The following NAALADL2 variants were observed in gnomAD, a reference collection of about 807,000 sequenced individuals.
NAALADL2 encodes the protein inactive N-acetylated-alpha-linked acidic dipeptidase-like protein 2.
Under a neutral mutation model 87.2 loss-of-function variants are expected in NAALADL2, and 76 were observed. The observed-to-expected ratio is 0.87, with a 90% CI of 0.72 to 1.05. The LOEUF is 1.05. Ranked by LOEUF, NAALADL2 falls within the 50% of genes least tolerant of loss-of-function variation. NAALADL2 has a pLI of 0.00. For synonymous variants in NAALADL2, 354 were observed against 331.0 expected (o/e 1.07, Z -0.75); for missense variants, 1,089 against 945.8 (o/e 1.15, Z -1.99).
At chr3:175,544,729 T>C (rs934481293) in intron 9 of NAALADL2, among the ~76,000 whole-genome samples, 5 of 152,122 alleles carry the variant, frequency 3.3e-5, no homozygotes, top group African/African-American at 7.2e-5. Flanking sequence ...CCTTTTCTCC[T>C]TTTTATACCG....
At chr3:175,323,461 AC>A (rs1760209996) in intron 4 of NAALADL2, among the ~76,000 whole-genome samples, 1 of 151,942 alleles carries the variant, frequency 6.6e-6, no homozygotes, top group South Asian at 2.1e-4. Flanking sequence ...CACAATGTGC[AC>A]ATGTACCCTA....
chr3:174,661,018 A>G lies in NAALADL2; in HGVS notation c.-114-76623A>G, dbSNP rs530253185. ...GTACATCATTATTGATGGTTATTTA[A>G]TAGGGAAAAGTGTAGCCACTAGGTA... is the stretch of plus-strand genomic sequence containing the variant. On this transcript the variant is annotated intron_variant, in intron 2 of 3. Transcript: ENST00000434257. 1.4e-4 allele frequency among the ~76,000 whole-genome samples: 21 copies of G among 152,300 alleles called. No individual in the cohort carries two copies. The South Asian group carries it at 4.1e-3, about 30-fold the overall frequency.
intron 10 of NAALADL2, among the ~76,000 whole-genome samples, chr3:175,585,038 C>T (rs1479052238): frequency 1.3e-5 from 2 of 151,432 alleles, no homozygotes; most frequent in African/African-American, 2.4e-5. Flanking sequence ...ACTTTTTGAC[C>T]CTTTTGTAAT....
intron 2 of NAALADL2, among the ~76,000 whole-genome samples, chr3:175,158,464 G>A (rs1238153988): frequency 2.0e-5 from 3 of 152,014 alleles, no homozygotes; most frequent in Admixed American, 6.6e-5. Flanking sequence ...GAGATGCATT[G>A]GACCTGTTTG....
At chr3:175,371,092 G>T (rs1766419279) in intron 5 of NAALADL2, among the ~76,000 whole-genome samples, 3 of 152,072 alleles carry the variant, frequency 2.0e-5, no homozygotes, top group Non-Finnish European at 1.5e-5. Flanking sequence ...AGGATGATTT[G>T]TCTTAGACAA....
chr3:175,081,041 A>G (rs1473265550), intron 1 of NAALADL2: 1 of 152,200 alleles, frequency 6.6e-6, no homozygotes. Context: ...GTTCACTGCT[A>G]TAGATTGTAA....
intron 3 of NAALADL2, among the ~76,000 whole-genome samples, chr3:175,242,106 C>T (rs1283803587): frequency 2.6e-5 from 4 of 151,796 alleles, no homozygotes; most frequent in Non-Finnish European, 4.4e-5. Flanking sequence ...GTGATCCGCC[C>T]ACCTCAGCCT....
At chr3:174,775,764 C>T (rs1051483418) in intron 3 of NAALADL2, among the ~76,000 whole-genome samples, 1 of 152,012 alleles carries the variant, frequency 6.6e-6, no homozygotes, top group Non-Finnish European at 1.5e-5. Context: ...CAGTTGTTGG[C>T]CAGGACTTGC....
intron 5 of NAALADL2, among the ~76,000 whole-genome samples, chr3:175,329,048 G>C (rs187651960): frequency 6.6e-6 from 1 of 152,174 alleles, no homozygotes; most frequent in African/African-American, 2.4e-5. Flanking sequence ...TCTGAATTCT[G>C]TGTTGACTAC....
chr3:175,172,881 G>A (rs1310693784), intron 2 of NAALADL2, among the ~76,000 whole-genome samples: 2 of 152,138 alleles, frequency 1.3e-5, no homozygotes, highest in Non-Finnish European at 2.9e-5. Context: ...TTAAGATGCA[G>A]ATTTATTTTT....
intron 2 of NAALADL2, among the ~76,000 whole-genome samples, chr3:175,132,727 G>A (rs1352690357): frequency 4.7e-5 from 7 of 149,198 alleles, no homozygotes; most frequent in African/African-American, 1.7e-4. Flanking sequence ...TTCCCAGTAG[G>A]GGTGGCCGGG....
intron 2 of NAALADL2, among the ~76,000 whole-genome samples, chr3:175,111,873 A>G (rs1724249502): frequency 6.6e-6 from 1 of 151,658 alleles, no homozygotes; most frequent in African/African-American, 2.4e-5. Flanking sequence ...AATTTATATC[A>G]CAGCAACACA....
chr3:175,221,198 T>A (rs936281668), intron 2 of NAALADL2, among the ~76,000 whole-genome samples: 127 of 135,880 alleles, frequency 9.3e-4, no homozygotes, highest in African/African-American at 2.3e-3. Context: ...GACTCCGTTT[T>A]AAAAAAAAAA....
chr3:175,243,382 T>A (rs976788619), intron 3 of NAALADL2, among the ~76,000 whole-genome samples: 1 of 151,552 alleles, frequency 6.6e-6, no homozygotes, highest in African/African-American at 2.4e-5. Flanking sequence ...ACCAGTTTAT[T>A]TCAGCTAGTT....
intron 1 of NAALADL2, among the ~76,000 whole-genome samples, chr3:174,986,986 G>T (rs1745963627): frequency 6.6e-6 from 1 of 152,094 alleles, no homozygotes; most frequent in Admixed American, 6.5e-5. Context: ...TACTCTTTCA[G>T]ACCAAACACT....
intron 11 of NAALADL2, among the ~76,000 whole-genome samples, chr3:175,670,862 T>C (rs1239624909): frequency 6.6e-6 from 1 of 151,444 alleles, no homozygotes; most frequent in Non-Finnish European, 1.5e-5. Flanking sequence ...TTTCAAAAAA[T>C]TCAACTCAAA....
chr3:175,259,243 T>C (rs1472671838), intron 4 of NAALADL2, among the ~76,000 whole-genome samples: 1 of 152,138 alleles, frequency 6.6e-6, no homozygotes, highest in Non-Finnish European at 1.5e-5. Context: ...GTATAGTTAA[T>C]ACATTGGGAA....
rs1056985616 is a variant in NAALADL2, at chr3:174,926,772, C to G, written c.43+67322C>G. On this transcript the variant is annotated intron_variant, in intron 1 of 13. Coordinates refer to ENST00000454872, the MANE Select transcript of NAALADL2 (RefSeq NM_207015.3). ...AAACATGATAAATTGTAAAGATCAT[C>G]GATGCTAGGAAGAAACTGCATCAAC... Among the ~76,000 whole-genome samples the G allele has an allele frequency of 7.9e-5, 12 of 152,176 alleles. No homozygotes were observed. In the East Asian group the frequency reaches 1.5e-3, roughly 20 times the overall value.
intron 11 of NAALADL2, among the ~76,000 whole-genome samples, chr3:175,729,888 G>A (rs748169134): frequency 1.9e-4 from 28 of 150,554 alleles, no homozygotes; most frequent in African/African-American, 4.6e-4. Flanking sequence ...GCTCTATTGC[G>A]TTTTAAATTT....
Sources: gnomAD v4.1 joint callset for allele counts (sites outside exome capture counted in the v4.1 genomes callset) on GRCh38, gnomAD v4.1.1 for gene constraint, MANE v1.5 for transcripts, NCBI Gene and HGNC (gene_info 2026-07-23, HGNC 2026-07-21) for gene names.